The following PPP1R9A variants were observed in gnomAD, a reference collection of about 807,000 sequenced individuals.
PPP1R9A encodes the protein protein phosphatase 1 regulatory subunit 9A.
A neutral mutation model predicts 141.9 loss-of-function variants in PPP1R9A; 59 were observed. The observed-to-expected ratio is 0.42, with a 90% CI of 0.34 to 0.52. The LOEUF is 0.52. PPP1R9A is among the 20% of genes least tolerant of loss of function. The probability of loss-of-function intolerance (pLI) is 0.10; values close to 1 mark genes in which losing one functional copy is unlikely to be tolerated. For missense variants in PPP1R9A, 1,444 were observed against 1,611.9 expected (o/e 0.90, Z 1.78); for synonymous variants, 500 against 569.7 (o/e 0.88, Z 1.74).
In PPP1R9A at chr7:95,067,885, A is replaced by C. The variant is rs77721189; in HGVS notation, c.1396-43374A>C. Among the ~76,000 whole-genome samples the C allele has an allele frequency of 3.9e-3, 598 of 152,224 alleles. 8 individuals are homozygous for C. Among genetic ancestry groups the C allele is most frequent in the African/African-American group, 0.014 (568 of 41,544 alleles). Reference sequence around the variant, plus strand: ...CAATTCCACAAAGGACCAAATTTCTATCTAGGCCTCAGATCTGGCTATCTG... The same window carrying C: ...CAATTCCACAAAGGACCAAATTTCTCTCTAGGCCTCAGATCTGGCTATCTG... On this transcript the variant is annotated intron_variant, in intron 2 of 19. Transcript: ENST00000433360.
intron 2 of PPP1R9A, among the ~76,000 whole-genome samples, chr7:95,061,025 T>C (rs557209585): frequency 6.6e-6 from 1 of 152,346 alleles, no homozygotes; most frequent in African/African-American, 2.4e-5. Flanking sequence ...TGATATGGAC[T>C]GTTGGTGGAG....
intron 2 of PPP1R9A, among the ~76,000 whole-genome samples, chr7:95,071,437 G>C (rs1420011191): frequency 1.3e-5 from 2 of 151,806 alleles, no homozygotes; most frequent in Non-Finnish European, 2.9e-5. Flanking sequence ...GAATGTTTTA[G>C]TTTTTAAATT....
At chr7:94,956,550 G>A (rs1797090717) in intron 2 of PPP1R9A, among the ~76,000 whole-genome samples, 1 of 152,066 alleles carries the variant, frequency 6.6e-6, no homozygotes, top group South Asian at 2.1e-4. Flanking sequence ...GGACTATACT[G>A]TAATATCATT....
At chr7:95,257,885 A>G (rs1295888231) in intron 12 of PPP1R9A, among the ~76,000 whole-genome samples, 2 of 152,112 alleles carry the variant, frequency 1.3e-5, no homozygotes, top group African/African-American at 4.8e-5. Flanking sequence ...CCTGGTGTAT[A>G]TGTGCCACAT....
At chr7:95,210,516 A>G (rs1319856501) in intron 7 of PPP1R9A, among the ~76,000 whole-genome samples, 1 of 151,414 alleles carries the variant, frequency 6.6e-6, no homozygotes. Context: ...CTCAGGCTGG[A>G]GTGCAGTGGC....
At chr7:95,257,582 T>C (rs1317505423) in intron 12 of PPP1R9A, among the ~76,000 whole-genome samples, 1 of 152,008 alleles carries the variant, frequency 6.6e-6, no homozygotes, top group Non-Finnish European at 1.5e-5. Flanking sequence ...TTGTTACATA[T>C]GTATACATGT....
At chr7:95,189,718 G>T (rs1217221911) in intron 5 of PPP1R9A, among the ~76,000 whole-genome samples, 1 of 152,048 alleles carries the variant, frequency 6.6e-6, no homozygotes, top group Non-Finnish European at 1.5e-5. Context: ...TTACAGGCGT[G>T]AGCCACCGCG....
intron 2 of PPP1R9A, among the ~76,000 whole-genome samples, chr7:94,987,199 T>C (rs1432496043): frequency 1.3e-5 from 2 of 152,220 alleles, no homozygotes; most frequent in Non-Finnish European, 2.9e-5. Context: ...TTTTCTCTTT[T>C]AAACCTAGCT....
chr7:95,203,677 G>A lies in PPP1R9A; in HGVS notation c.1903G>A (p.Glu635Lys). 2 of 1,536,438 alleles carry A rather than the reference G, an allele frequency of 1.3e-6. No individual in the cohort carries two copies. Among genetic ancestry groups the A allele is most frequent in the Non-Finnish European group, 1.7e-6 (2 of 1,146,370 alleles). The change falls in exon 7 of 20, where the codon GAA becomes AAA. Residue 635 changes from glutamate to lysine, a missense_variant. Glu to Lys is a moderately conservative substitution (Grantham distance 56, BLOSUM62 1). Around this residue, in one of 5 missense-constraint regions of PPP1R9A, gnomAD observed 488 missense variants for 542.0 expected, o/e 0.90. Transcript: ENST00000433360. The part of the protein sequence containing the change: ...DADDDENTVA[E>K]LQGMSGNCNN... ...TCAACCATTTTAGAACACTGTGGCT[G>A]AATTGCAAGGAATGTCTGGCAACTG...
At chr7:95,146,623 G>T (rs913563446) in intron 4 of PPP1R9A, among the ~76,000 whole-genome samples, 8 of 152,108 alleles carry the variant, frequency 5.3e-5, no homozygotes, top group African/African-American at 1.9e-4. Flanking sequence ...TGTTTTTATG[G>T]TTTTAGGTCT....
chr7:95,236,588 T>A (rs1585394215), intron 8 of PPP1R9A, among the ~76,000 whole-genome samples: 2 of 151,830 alleles, frequency 1.3e-5, no homozygotes, highest in East Asian at 3.9e-4. Context: ...CCCTTTTATA[T>A]TCTTTCTTCT....
At chr7:94,978,558 T>A (rs1247956986) in intron 2 of PPP1R9A, among the ~76,000 whole-genome samples, 1 of 152,198 alleles carries the variant, frequency 6.6e-6, no homozygotes. Flanking sequence ...TTCTCGACAC[T>A]TTTTTCTATC....
intron 2 of PPP1R9A, among the ~76,000 whole-genome samples, chr7:95,073,781 T>G (rs1460488238): frequency 6.6e-6 from 1 of 151,948 alleles, no homozygotes. Context: ...ACAGTCTTGC[T>G]GTGTTGCCTA....
In PPP1R9A at chr7:95,183,837, GCTTT is replaced by G. The variant is rs372585346; in HGVS notation, c.1755-14507_1755-14504del. ...ATTAAATTTAAATATTTCAGATCCAGCTTTCTTTATTTTAAAAATTTTTTATTTT... is the reference window on the plus strand; with the variant it reads ...ATTAAATTTAAATATTTCAGATCCAGCTTTATTTTAAAAATTTTTTATTTT... On this transcript the variant is annotated intron_variant, in intron 5 of 19. Coordinates refer to ENST00000433360, the MANE Select transcript of PPP1R9A (RefSeq NM_001166160.2). Among the ~76,000 whole-genome samples, 1,169 of 151,386 alleles carry G rather than the reference GCTTT, an allele frequency of 7.7e-3. 27 individuals carry two copies. The highest frequency in any genetic ancestry group is 0.041 in the Admixed American group (620 of 15,232).
At chr7:94,912,516 A>T (rs376768855) in intron 2 of PPP1R9A, among the ~76,000 whole-genome samples, 1 of 152,158 alleles carries the variant, frequency 6.6e-6, no homozygotes, top group Admixed American at 6.5e-5. Context: ...GTGTGTATAT[A>T]TGATAGACTT....
rs1194848622 is a variant in PPP1R9A, at chr7:95,208,968, A to AAAAAAAAC, written c.1956+5245_1956+5246insCAAAAAAA. On this transcript the variant is annotated intron_variant, in intron 7 of 19. Coordinates refer to ENST00000433360, the MANE Select transcript of PPP1R9A (RefSeq NM_001166160.2). ...AATATAGCAAAACTAAAAAAAAAAA[A>AAAAAAAAC]AAAAAAAAAACTCTGATAAAATTCA... Among the ~76,000 whole-genome samples, 921 of 148,440 alleles carry AAAAAAAAC rather than the reference A, an allele frequency of 6.2e-3. 12 individuals are homozygous for AAAAAAAAC. Among genetic ancestry groups the AAAAAAAAC allele is most frequent in the Admixed American group, 0.027 (397 of 14,652 alleles).
chr7:95,151,173 C>T (rs992393096), intron 4 of PPP1R9A, among the ~76,000 whole-genome samples: 15 of 152,210 alleles, frequency 9.9e-5, no homozygotes, highest in African/African-American at 2.9e-4. Context: ...CAAAAACTTA[C>T]ACATAGATGT....
At chr7:94,916,722 G>C (rs1401992301) in intron 2 of PPP1R9A, among the ~76,000 whole-genome samples, 3 of 148,866 alleles carry the variant, frequency 2.0e-5, no homozygotes, top group Admixed American at 6.6e-5. Flanking sequence ...TCTTTTGCAA[G>C]TGTAAATTAA....
intron 2 of PPP1R9A, among the ~76,000 whole-genome samples, chr7:95,006,139 C>T (rs1803549293): frequency 1.3e-5 from 2 of 151,976 alleles, no homozygotes; most frequent in Admixed American, 1.3e-4. Flanking sequence ...ATCTGAATTA[C>T]TTGCTTCAAT....
Sources: allele counts gnomAD v4.1 joint callset (sites outside exome capture counted in the v4.1 genomes callset), GRCh38; gene constraint gnomAD v4.1.1; regional missense constraint gnomAD v4.1.1; transcripts MANE v1.5; gene names NCBI Gene and HGNC (gene_info 2026-07-23, HGNC 2026-07-21).